EBF1: variants seen among roughly 807,000 people sequenced by gnomAD.
The protein encoded by EBF1 is EBF transcription factor 1, also known as transcription factor COE1.
Under a neutral mutation model 68.4 loss-of-function variants are expected in EBF1, and 10 were observed. The observed-to-expected ratio is 0.15, with a 90% CI of 0.09 to 0.25. The LOEUF (loss-of-function observed/expected upper bound fraction) is 0.25, where lower values mean the gene tolerates loss of function less well. EBF1 is among the 10% of genes least tolerant of loss of function. EBF1 has a pLI of 1.00. For synonymous variants in EBF1, 298 were observed against 299.8 expected, an observed-to-expected ratio of 0.99 and a Z score of 0.06; for missense variants, 509 against 794.4, an observed-to-expected ratio of 0.64 and a Z score of 4.32.
At chr5:159,051,436 C>G (rs1447732359) in intron 6 of EBF1, among the ~76,000 whole-genome samples, 6 of 130,872 alleles carry the variant, frequency 4.6e-5, no homozygotes, top group Non-Finnish European at 8.3e-5. Flanking sequence ...CGCAGCCCCC[C>G]ACCCCCCCAC....
At chr5:158,909,131 G>T (rs1042867718) in intron 6 of EBF1, among the ~76,000 whole-genome samples, 3 of 148,126 alleles carry the variant, frequency 2.0e-5, no homozygotes, top group African/African-American at 7.4e-5. Flanking sequence ...AAAAAAAAAA[G>T]AAAACAGAAA....
intron 6 of EBF1, among the ~76,000 whole-genome samples, chr5:158,844,081 C>G (rs923579625): frequency 7.9e-5 from 12 of 151,962 alleles, no homozygotes; most frequent in Admixed American, 7.9e-4. Flanking sequence ...CTGTGGGAAA[C>G]TGACCCACAG....
intron 6 of EBF1, among the ~76,000 whole-genome samples, chr5:158,961,637 A>T (rs1291480741): frequency 6.6e-6 from 1 of 152,222 alleles, no homozygotes; most frequent in Non-Finnish European, 1.5e-5. Flanking sequence ...ATTTTTGGAT[A>T]AAAGATAATT....
intron 10 of EBF1, among the ~76,000 whole-genome samples, chr5:158,732,626 C>A (rs953108021): frequency 2.6e-5 from 4 of 151,812 alleles, no homozygotes; most frequent in Non-Finnish European, 5.9e-5. Flanking sequence ...GCCAGAAATC[C>A]ATTTACAAAA....
At chr5:158,954,213 G>T (rs1329077402) in intron 6 of EBF1, among the ~76,000 whole-genome samples, 368 of 152,318 alleles carry the variant, frequency 2.4e-3, no homozygotes, top group African/African-American at 8.6e-3. Context: ...GGGTGGCGTG[G>T]AGGTTGTAAA....
chr5:158,851,158 T>C (rs928232023), intron 6 of EBF1, among the ~76,000 whole-genome samples: 6 of 151,652 alleles, frequency 4.0e-5, no homozygotes, highest in Non-Finnish European at 7.4e-5. Context: ...GCGGATCACC[T>C]GAGGTCAAGA....
At chr5:159,018,491 G>A (rs886829165) in intron 6 of EBF1, among the ~76,000 whole-genome samples, 2 of 152,230 alleles carry the variant, frequency 1.3e-5, no homozygotes, top group Non-Finnish European at 1.5e-5. Context: ...GATACACAGT[G>A]AGTGTATGAA....
chr5:158,769,758 C>T (rs985072455), intron 10 of EBF1, among the ~76,000 whole-genome samples: 1 of 152,086 alleles, frequency 6.6e-6, no homozygotes, highest in African/African-American at 2.4e-5. Context: ...GGGACCTACC[C>T]TTTGTATCAC....
chr5:158,914,507 C>T (rs770752576), intron 6 of EBF1, among the ~76,000 whole-genome samples: 34 of 152,136 alleles, frequency 2.2e-4, no homozygotes, highest in Non-Finnish European at 4.3e-4. Flanking sequence ...CAGCCGGCAA[C>T]CTTAATGCCT....
rs574290470 is a variant in EBF1 at position 158,714,800 on chromosome 5, C to T, written c.1126-618G>A. Among the ~76,000 whole-genome samples the T allele has an allele frequency of 3.3e-5, 5 of 152,254 alleles. No homozygotes were observed. The South Asian group carries it at 1.0e-3, about 32-fold the overall frequency. On this transcript the variant is annotated intron_variant, in intron 11 of 15. Coordinates refer to ENST00000313708, the MANE Select transcript of EBF1 (RefSeq NM_024007.5). Reference sequence around the variant, plus strand: ...CCTCTGCACCAATTTTCATTACTGGCAGTATCTATTTCTTTAATAGCAATT... The same window carrying T: ...CCTCTGCACCAATTTTCATTACTGGTAGTATCTATTTCTTTAATAGCAATT...
At chr5:159,045,826 A>G (rs1554119547) in intron 6 of EBF1, among the ~76,000 whole-genome samples, 1 of 152,214 alleles carries the variant, frequency 6.6e-6, no homozygotes, top group Non-Finnish European at 1.5e-5. Context: ...TAACATGAAC[A>G]TTAGGAAGCC....
At chr5:158,727,110 G>A (rs139509120) in intron 11 of EBF1, among the ~76,000 whole-genome samples, 13 of 152,200 alleles carry the variant, frequency 8.5e-5, no homozygotes, top group Admixed American at 6.5e-4. Flanking sequence ...TTTCCAAAAC[G>A]CACATCCTTC....
At chr5:158,866,277 C>T (rs1197987224) in intron 6 of EBF1, among the ~76,000 whole-genome samples, 1 of 152,132 alleles carries the variant, frequency 6.6e-6, no homozygotes, top group African/African-American at 2.4e-5. Context: ...CAGGTTTCCC[C>T]ATTTCCATGG....
intron 6 of EBF1, among the ~76,000 whole-genome samples, chr5:158,849,325 C>A (rs1381540898): frequency 6.6e-6 from 1 of 152,210 alleles, no homozygotes; most frequent in Non-Finnish European, 1.5e-5. Context: ...AAGCTACATC[C>A]TGTGCCCTGA....
intron 11 of EBF1, among the ~76,000 whole-genome samples, chr5:158,729,312 A>G (rs1376866326): frequency 6.6e-6 from 1 of 152,230 alleles, no homozygotes; most frequent in Non-Finnish European, 1.5e-5. Context: ...CAATACCTCC[A>G]GTGGACTCTA....
chr5:158,696,527 T>C lies in EBF1; in HGVS notation c.*2584A>G, dbSNP rs1235447606. On this transcript the variant is annotated 3_prime_UTR_variant, in exon 16 of 16. Transcript: ENST00000313708. ...GTTAAGGGGCTCACCAGATAAAATATGGCTTTAACTTGTGTACATCTTCAG... is the reference window on the plus strand; with the variant it reads ...GTTAAGGGGCTCACCAGATAAAATACGGCTTTAACTTGTGTACATCTTCAG... 2 of 225,040 alleles carry C rather than the reference T, an allele frequency of 8.9e-6. No individual in the cohort carries two copies. The highest frequency in any genetic ancestry group is 1.8e-5 in the Non-Finnish European group (2 of 112,846). 13.9% of individuals were successfully genotyped at this position (225,040 alleles called of 1,614,324 possible).
chr5:158,728,061 C>T (rs1011109941), intron 11 of EBF1, among the ~76,000 whole-genome samples: 7 of 152,146 alleles, frequency 4.6e-5, no homozygotes, highest in South Asian at 2.1e-4. Flanking sequence ...CTAAGAAAGG[C>T]GCAGCCCATT....
intron 5 of EBF1, among the ~76,000 whole-genome samples, chr5:159,077,001 C>T (rs1469733100): frequency 6.6e-6 from 1 of 152,140 alleles, no homozygotes; most frequent in Non-Finnish European, 1.5e-5. Context: ...GAATACTATT[C>T]AAAGTATGGC....
intron 6 of EBF1, among the ~76,000 whole-genome samples, chr5:158,956,375 CAAAAAG>C (rs1293225773): frequency 1.3e-5 from 2 of 151,918 alleles, no homozygotes; most frequent in Non-Finnish European, 2.9e-5. Context: ...AAAGAGAACT[CAAAAAG>C]AAGTTCAAGA....
Sources: allele counts gnomAD v4.1 joint callset (sites outside exome capture counted in the v4.1 genomes callset), GRCh38; gene constraint gnomAD v4.1.1; transcripts MANE v1.5; gene names NCBI Gene and HGNC (gene_info 2026-07-23, HGNC 2026-07-21).